Variants in TUBGCP3 observed in about 807,000 individuals in gnomAD.
The protein encoded by TUBGCP3 is tubulin gamma complex component 3, also known as gamma-tubulin complex component 3.
In TUBGCP3, 50 loss-of-function variants were observed where a neutral mutation model predicts 123.1. That is an observed-to-expected ratio of 0.41 (90% confidence interval 0.32 to 0.51). TUBGCP3 has a LOEUF of 0.51. Ranked by LOEUF, TUBGCP3 falls within the 20% of genes least tolerant of loss-of-function variation. The pLI, the probability that TUBGCP3 is intolerant of heterozygous loss-of-function variation, is 0.36. For synonymous variants in TUBGCP3, 405 were observed against 413.9 expected, an observed-to-expected ratio of 0.98 and a Z score of 0.26; for missense variants, 882 against 1,127.0, an observed-to-expected ratio of 0.78 and a Z score of 3.11.
At position 112,519,109 on chromosome 13, in the gene TUBGCP3, A is replaced by C. The variant is rs1876404384; in HGVS notation, c.1882-66T>G. 1 of 1,342,220 alleles carries C rather than the reference A, an allele frequency of 7.5e-7. No individual in the cohort carries two copies. The highest frequency in any genetic ancestry group is 1.1e-6 in the Non-Finnish European group (1 of 935,160). The allele number at this position is 1,342,220 out of a possible 1,614,324, so 83.1% of individuals were successfully genotyped here. On this transcript the variant is annotated intron_variant, in intron 15 of 21. Coordinates refer to ENST00000261965, the MANE Select transcript of TUBGCP3 (RefSeq NM_006322.6). This position sits in a 1 kb window ranked among gnomAD's most constrained non-coding sequence, Gnocchi z 6.2. The stretch of plus-strand genomic sequence containing the variant: ...TTCTTGCTGAAGAACTTGTTAACGC[A>C]AAGAAAAAGCAGTAAAATAATGCCC...
At chr13:112,550,962 G>A (rs1248777881) in intron 8 of TUBGCP3, among the ~76,000 whole-genome samples, 8 of 152,292 alleles carry the variant, frequency 5.3e-5, no homozygotes, top group South Asian at 2.1e-4. Context: ...AGCCGGGCGT[G>A]GTGGTGGGTG....
chr13:112,580,309 T>C (rs1882195029), intron 1 of TUBGCP3, among the ~76,000 whole-genome samples: 1 of 151,896 alleles, frequency 6.6e-6, no homozygotes, highest in Non-Finnish European at 1.5e-5. Flanking sequence ...AGTTAGAAAT[T>C]ATGAAGAAAA....
chr13:112,536,768 G>A (rs1878091301), intron 11 of TUBGCP3, among the ~76,000 whole-genome samples: 2 of 152,014 alleles, frequency 1.3e-5, no homozygotes, highest in South Asian at 4.1e-4. Flanking sequence ...AAGTATCTGT[G>A]AACAGAAATG....
At chr13:112,541,255 C>A (rs2139149807) in intron 11 of TUBGCP3, among the ~76,000 whole-genome samples, 1 of 152,232 alleles carries the variant, frequency 6.6e-6, no homozygotes, top group South Asian at 2.1e-4. Context: ...AAAACACAGA[C>A]AAATGGCCAG....
intron 19 of TUBGCP3, 145 bp downstream of exon 19, chr13:112,503,886 TC>T: frequency 9.4e-7 from 1 of 1,065,168 alleles, no homozygotes; most frequent in Non-Finnish European, 1.3e-6. Context: ...AACTGTACCT[TC>T]AACAGTAAAC....
chr13:112,500,990 G>C (rs139152428), intron 19 of TUBGCP3, among the ~76,000 whole-genome samples: 1 of 152,334 alleles, frequency 6.6e-6, no homozygotes, highest in East Asian at 1.9e-4. Flanking sequence ...TGATGCAGGA[G>C]AACTTGGTAT....
intron 17 of TUBGCP3, among the ~76,000 whole-genome samples, chr13:112,506,992 G>GT (rs1339503096): frequency 6.6e-6 from 1 of 152,192 alleles, no homozygotes; most frequent in East Asian, 1.9e-4. Flanking sequence ...CTGGAGAATG[G>GT]TGAGTATTTA....
At chr13:112,554,273 T>C (rs1879840430) in intron 7 of TUBGCP3, 91 bp from the exon 8 acceptor site, 7 of 1,433,628 alleles carry the variant, frequency 4.9e-6, no homozygotes, top group Non-Finnish European at 6.6e-6. Flanking sequence ...CTTTTAATAC[T>C]ATAATCCTTA....
intron 20 of TUBGCP3, among the ~76,000 whole-genome samples, chr13:112,497,253 T>C (rs1880589803): frequency 6.6e-6 from 1 of 152,182 alleles, no homozygotes; most frequent in South Asian, 2.1e-4. Flanking sequence ...CAGTAAGTTA[T>C]AGAGTTAGGT....
rs1031762234 is a variant in TUBGCP3, at chr13:112,519,901, G to A, written c.1866C>T (p.Asp622=). Residue 622 remains aspartate (D), a synonymous_variant, in exon 15 of 22, where the codon GAC becomes GAT. Coordinates refer to ENST00000261965, the MANE Select transcript of TUBGCP3 (RefSeq NM_006322.6). The surrounding 1 kb of genome is among the most constrained non-coding windows in gnomAD (Gnocchi z 6.2). ...GCCGCAGTACCTCCAGCAGCCGCAC[G>A]TCCAGCCTTCGCAGGATCTCAGGAC... ...FDSPEILRRL[D]VRLLEVSPGD... 15 of 1,613,448 alleles carry A rather than the reference G, an allele frequency of 9.3e-6. No homozygotes were observed. The highest frequency in any genetic ancestry group is 3.3e-4 in the Middle Eastern group (2 of 6,078).
chr13:112,538,337 A>G (rs765738320), intron 11 of TUBGCP3, among the ~76,000 whole-genome samples: 3 of 152,242 alleles, frequency 2.0e-5, no homozygotes, highest in Non-Finnish European at 4.4e-5. Flanking sequence ...GGTCCCAAGC[A>G]TTTTAGATAA....
At position 112,522,433 on chromosome 13, in the gene TUBGCP3, G is replaced by A; in HGVS notation, c.1632C>T (p.Tyr544=). 1 of 1,614,042 alleles carries A rather than the reference G, an allele frequency of 6.2e-7. No individual in the cohort carries two copies. The highest frequency in any genetic ancestry group is 1.1e-5 in the South Asian group (1 of 91,078). Residue 544 remains tyrosine, a synonymous_variant, in exon 14 of 22, where the codon TAC becomes TAT. Transcript: ENST00000261965. ...IDAAYFETSK[Y]LLDVLNKKYS... Reference sequence around the variant, plus strand: ...ACTTTTTATTGAGAACATCCAACAGGTATTTGCTGGTCTCAAAATAAGCAG... The same window carrying A: ...ACTTTTTATTGAGAACATCCAACAGATATTTGCTGGTCTCAAAATAAGCAG...
At chr13:112,543,645 T>C (rs1878713922) in intron 11 of TUBGCP3, among the ~76,000 whole-genome samples, 2 of 152,096 alleles carry the variant, frequency 1.3e-5, no homozygotes, top group Admixed American at 6.6e-5. Context: ...TTCAAGTATA[T>C]AGAGAAATTT....
intron 2 of TUBGCP3, among the ~76,000 whole-genome samples, chr13:112,565,739 C>A (rs1337557251): frequency 6.6e-6 from 1 of 152,146 alleles, no homozygotes; most frequent in African/African-American, 2.4e-5. Context: ...TCGAGACCAT[C>A]CTGGCTAACA....
intron 19 of TUBGCP3, among the ~76,000 whole-genome samples, chr13:112,501,812 G>A (rs1880924970): frequency 6.6e-6 from 1 of 152,192 alleles, no homozygotes; most frequent in Admixed American, 6.5e-5. Context: ...CACACGTGAA[G>A]ACCCCGCTTC....
chr13:112,485,106 C>G lies in TUBGCP3; in HGVS notation c.*887G>C, dbSNP rs1879569084. The G allele has an allele frequency of 6.6e-6, 1 of 151,964 alleles. No homozygotes were observed. Among genetic ancestry groups the G allele is most frequent in the Non-Finnish European group, 1.5e-5 (1 of 67,924 alleles). 9.4% of individuals were successfully genotyped at this position (151,964 alleles called of 1,614,324 possible). ...TAATGACATTTTTACAAAAAACAATCCCCCCCACCCCAACATCTTGGTCAG... is the reference window on the plus strand; with the variant it reads ...TAATGACATTTTTACAAAAAACAATGCCCCCCACCCCAACATCTTGGTCAG... On this transcript the variant is annotated 3_prime_UTR_variant, in exon 22 of 22. Transcript: ENST00000261965.
At chr13:112,569,302 TA>T (rs1355666980) in intron 1 of TUBGCP3, 43 bp from the exon 2 acceptor site, 1 of 1,591,318 alleles carries the variant, frequency 6.3e-7, no homozygotes, top group African/African-American at 1.3e-5. Context: ...CCAACCAGGT[TA>T]CGTTCTGGTC....
rs909738754 is a variant in TUBGCP3 at position 112,569,252 on chromosome 13, T to C, written c.84A>G (p.Val28=). The part of the protein sequence containing the change: ...CRILGRSEAD[V]AQQFQYAVRV... ...GCACAGCATACTGGAACTGCTGGGC[T>C]ACATCAGCTGAAAGACAAACAAAAG... Residue 28 remains valine, a synonymous_variant, in exon 2 of 22, where the codon GTA becomes GTG. Transcript: ENST00000261965. 6.2e-7 allele frequency: 1 copy of C among 1,614,090 alleles called. No homozygotes were observed. Among genetic ancestry groups the C allele is most frequent in the African/African-American group, 1.3e-5 (1 of 75,044 alleles).
chr13:112,595,038 T>C, the TUBGCP3 span, among the ~76,000 whole-genome samples: 2 of 152,344 alleles, frequency 1.3e-5, no homozygotes, highest in Admixed American at 6.5e-5. Context: ...TTGATCGCCA[T>C]GTTCTCCAAA....
Sources: allele counts gnomAD v4.1 joint callset (sites outside exome capture counted in the v4.1 genomes callset), GRCh38; gene constraint gnomAD v4.1.1; non-coding constraint Gnocchi (gnomAD v3.1); transcripts MANE v1.5; gene names NCBI Gene and HGNC (gene_info 2026-07-23, HGNC 2026-07-21).